The following KATNIP variants were observed in gnomAD, a reference collection of about 807,000 sequenced individuals.
KATNIP encodes the protein katanin interacting protein.
In KATNIP, 126 loss-of-function variants were observed where a neutral mutation model predicts 174.0. The ratio of observed to expected loss-of-function variants is 0.72; its 90% confidence interval spans 0.63 to 0.84. The LOEUF (loss-of-function observed/expected upper bound fraction) is 0.84. KATNIP is among the 40% of genes least tolerant of loss of function. KATNIP has a pLI of 0.00. For synonymous variants in KATNIP, 810 were observed against 835.7 expected (o/e 0.97, Z 0.53); for missense variants, 1,958 against 2,109.7 (o/e 0.93, Z 1.41).
chr16:27,561,893 G>A (rs1475414379), intron 1 of KATNIP, among the ~76,000 whole-genome samples: 4 of 152,168 alleles, frequency 2.6e-5, no homozygotes, highest in African/African-American at 4.8e-5. Flanking sequence ...GAGGCCTGCA[G>A]GGGCCAGGTA....
chr16:27,762,826 C>T (rs990426178), intron 19 of KATNIP, among the ~76,000 whole-genome samples: 2 of 152,212 alleles, frequency 1.3e-5, no homozygotes, highest in Non-Finnish European at 2.9e-5. Context: ...AGCCTGGAGA[C>T]CTGGCTCCCA....
At position 27,631,132 on chromosome 16, in the gene KATNIP, C is replaced by A. The variant is rs1363855934; in HGVS notation, c.378C>A (p.Pro126=). The part of the protein sequence containing the change: ...EALRRSSRTA[P]SKVQRRGWHQ... ...TAAGACGCAGTTCACGGACAGCCCC[C>A]AGTAAAGTCCAGCGCCGAGGATGGC... The change falls in exon 5 of 28, where the codon CCC becomes CCA. Residue 126 remains proline, a synonymous_variant. Transcript: ENST00000261588. 1.3e-6 allele frequency: 2 copies of A among 1,573,402 alleles called. No individual in the cohort carries two copies. Among genetic ancestry groups the A allele is most frequent in the East Asian group, 2.3e-5 (1 of 42,982 alleles).
chr16:27,648,540 C>G, intron 5 of KATNIP, 64 bp from the exon 6 acceptor site: 2 of 1,592,466 alleles, frequency 1.3e-6, no homozygotes, highest in Non-Finnish European at 1.7e-6. Flanking sequence ...GTGCCAGTCC[C>G]TGCCCCGCAG....
chr16:27,705,891 T>C (rs1174940604), intron 12 of KATNIP, among the ~76,000 whole-genome samples: 1 of 152,116 alleles, frequency 6.6e-6, no homozygotes, highest in Non-Finnish European at 1.5e-5. Flanking sequence ...GTGCCCAGGC[T>C]GGTCTTGAAC....
At position 27,703,881 on chromosome 16, in the gene KATNIP, CA is replaced by C; in HGVS notation, c.1287-12del. 1 of 1,607,432 alleles carries C rather than the reference CA, an allele frequency of 6.2e-7. No homozygotes were observed. Among genetic ancestry groups the C allele is most frequent in the Non-Finnish European group, 8.5e-7 (1 of 1,173,944 alleles). ...TTTACTACTTCCTGTTTGCTAAAAC[CA>C]AATCCCATTTCAGACAACAGCAGAA... On this transcript the variant is annotated splice_polypyrimidine_tract_variant and intron_variant, in intron 11 of 27. Transcript: ENST00000261588.
In KATNIP at chr16:27,749,779, C is replaced by A. The variant is rs371104220; in HGVS notation, c.2819C>A (p.Pro940His). ...AGCAGCCGGCACAGCGACTTGCCCC[C>A]CTCCAAGAAGGGGGAGCAGCCAGGG... ...QKSSRHSDLP[P>H]SKKGEQPGLS... The change falls in exon 16 of 28, where the codon CCC becomes CAC. Residue 940 changes from proline (P) to histidine (H), a missense_variant. Physicochemically the swap from Pro to His is moderately conservative, Grantham distance 77 (BLOSUM62 -2). Coordinates refer to ENST00000261588, the MANE Select transcript of KATNIP (RefSeq NM_015202.5). 5.6e-6 allele frequency: 9 copies of A among 1,609,974 alleles called. No individual in the cohort carries two copies. The highest frequency in any genetic ancestry group is 2.2e-5 in the South Asian group (2 of 90,450).
chr16:27,713,214 G>A (rs1477520208), intron 13 of KATNIP, among the ~76,000 whole-genome samples: 2 of 151,966 alleles, frequency 1.3e-5, no homozygotes, highest in Non-Finnish European at 1.5e-5. Flanking sequence ...CATTGCTGTC[G>A]GCTCAGATGT....
chr16:27,777,953 G>C lies in KATNIP; in HGVS notation c.4785G>C (p.Gln1595His), dbSNP rs2082561408. 1.2e-6 allele frequency: 2 copies of C among 1,613,968 alleles called. No homozygotes were observed. The highest frequency in any genetic ancestry group is 1.1e-5 in the South Asian group (1 of 91,074). Residue 1595 changes from glutamine to histidine, a missense_variant, in exon 27 of 28, where the codon CAG becomes CAC. Physicochemically the swap from Gln to His is conservative, Grantham distance 24. This residue lies in a region of KATNIP where 383 missense variants were observed against 456.0 expected (regional missense o/e 0.84). Coordinates refer to ENST00000261588, the MANE Select transcript of KATNIP (RefSeq NM_015202.5). The surrounding 1 kb of genome is among the most constrained non-coding windows in gnomAD (Gnocchi z 4.4). ...TCATTACCAACGCGAAACGGAAGCAGAGCGTTGTTGACCCAGGTCAGTGGC... is the reference window on the plus strand; with the variant it reads ...TCATTACCAACGCGAAACGGAAGCACAGCGTTGTTGACCCAGGTCAGTGGC... ...NQIITNAKRKQSVVDPALRPK... is the reference protein window; with the variant it reads ...NQIITNAKRKHSVVDPALRPK...
At chr16:27,629,111 T>C (rs950089233) in intron 4 of KATNIP, among the ~76,000 whole-genome samples, 6 of 146,582 alleles carry the variant, frequency 4.1e-5, no homozygotes, top group African/African-American at 1.5e-4. Flanking sequence ...GAGGTTGCAG[T>C]GAGCCGAAAT....
At chr16:27,585,643 T>G (rs1199612879) in intron 2 of KATNIP, among the ~76,000 whole-genome samples, 1 of 152,232 alleles carries the variant, frequency 6.6e-6, no homozygotes, top group East Asian at 1.9e-4. Flanking sequence ...CTGGAGGTTA[T>G]TATGTTTAGT....
In KATNIP at chr16:27,778,582, C is replaced by T. The variant is rs1298404298; in HGVS notation, c.4810C>T (p.Pro1604Ser). 6.2e-7 allele frequency: 1 copy of T among 1,613,624 alleles called. No homozygotes were observed. The highest frequency in any genetic ancestry group is 2.2e-5 in the East Asian group (1 of 44,862). The change falls in exon 28 of 28, where the codon CCC (proline) becomes TCC (serine). Residue 1604 changes from proline (P) to serine (S), a missense_variant. Physicochemically the swap from Pro to Ser is moderately conservative, Grantham distance 74 (BLOSUM62 -1). Around this residue, in one of 3 missense-constraint regions of KATNIP, gnomAD observed 383 missense variants for 456.0 expected, o/e 0.84. Transcript: ENST00000261588. ...GTTCCCTGTCATGACAGCCTTACGT[C>T]CCAAAACCTGCATCAGCGAGAAGGA... Reference protein sequence around the residue: ...KQSVVDPALRPKTCISEKETR... With the variant: ...KQSVVDPALRSKTCISEKETR...
At chr16:27,752,516 CCA>C (rs1261695387) in intron 17 of KATNIP, among the ~76,000 whole-genome samples, 1 of 152,214 alleles carries the variant, frequency 6.6e-6, no homozygotes, top group African/African-American at 2.4e-5. Flanking sequence ...ATGCGTGATT[CCA>C]CAGTTTATGC....
intron 2 of KATNIP, among the ~76,000 whole-genome samples, chr16:27,615,978 T>A (rs2142044890): frequency 6.6e-6 from 1 of 152,348 alleles, no homozygotes; most frequent in Admixed American, 6.5e-5. Context: ...AATGCCCTAC[T>A]TGCCATTTAA....
At chr16:27,726,160 C>G (rs559035583) in intron 14 of KATNIP, among the ~76,000 whole-genome samples, 79 of 152,254 alleles carry the variant, frequency 5.2e-4, no homozygotes, top group African/African-American at 1.8e-3. Context: ...ATTGCACATG[C>G]GAAGGATCTA....
At chr16:27,769,485 C>T (rs546435873) in intron 20 of KATNIP, among the ~76,000 whole-genome samples, 1 of 152,312 alleles carries the variant, frequency 6.6e-6, no homozygotes, top group South Asian at 2.1e-4. Context: ...GAAATTGAGG[C>T]ATAGGGAAGG....
chr16:27,631,093 A>T lies in KATNIP; in HGVS notation c.339A>T (p.Glu113Asp), dbSNP rs759387948. The change falls in exon 5 of 28, where the codon GAA becomes GAT. Residue 113 changes from glutamate (E) to aspartate (D), a missense_variant. Glu to Asp is a conservative substitution (Grantham distance 45). Coordinates refer to ENST00000261588, the MANE Select transcript of KATNIP (RefSeq NM_015202.5). ...HDYGRRTLFR[E>D]AEEALRRSSR... The stretch of plus-strand genomic sequence containing the variant: ...ATGGACGAAGAACTCTGTTTCGAGA[A>T]GCTGAAGAAGCCTTAAGACGCAGTT... The T allele has an allele frequency of 1.3e-6, 2 of 1,575,460 alleles. No homozygotes were observed. The highest frequency in any genetic ancestry group is 1.7e-6 in the Non-Finnish European group (2 of 1,159,148).
At position 27,750,296 on chromosome 16, in the gene KATNIP, C is replaced by G; in HGVS notation, c.3336C>G (p.Thr1112=). ...GAGAAATCGCCAAGGCCTCTGGAACCCTGGCGGGAGGTATGGCGTGTCTGT... is the reference window on the plus strand; with the variant it reads ...GAGAAATCGCCAAGGCCTCTGGAACGCTGGCGGGAGGTATGGCGTGTCTGT... ...FEGEIAKASG[T]LAGAPEHFGD... The change falls in exon 16 of 28, where the codon ACC becomes ACG. Residue 1112 remains threonine, a synonymous_variant. Coordinates refer to ENST00000261588, the MANE Select transcript of KATNIP (RefSeq NM_015202.5). The G allele has an allele frequency of 6.2e-7, 1 of 1,609,594 alleles. No individual in the cohort carries two copies. The highest frequency in any genetic ancestry group is 8.5e-7 in the Non-Finnish European group (1 of 1,177,414).
Position 27,677,926 on chromosome 16 carries a change from G to A in KATNIP, c.738G>A (p.Gln246=). The A allele has an allele frequency of 6.2e-7, 1 of 1,614,184 alleles. No individual in the cohort carries two copies. Among genetic ancestry groups the A allele is most frequent in the East Asian group, 2.2e-5 (1 of 44,882 alleles). ...DWTQKDVHGE[Q]ETEGRSSPGP... The stretch of plus-strand genomic sequence containing the variant: ...CTCAGAAAGATGTTCACGGGGAACA[G>A]GAGACAGAAGGACGCTCTTCTCCAG... The change falls in exon 7 of 28, where the codon CAG becomes CAA. Residue 246 remains glutamine (Q), a synonymous_variant. Coordinates refer to ENST00000261588, the MANE Select transcript of KATNIP (RefSeq NM_015202.5).
chr16:27,632,346 A>C, intron 5 of KATNIP: 1 of 202,812 alleles, frequency 4.9e-6, no homozygotes, highest in South Asian at 5.9e-5. Flanking sequence ...CAGAGGGATA[A>C]GACGGATTTA....
Sources: gnomAD v4.1 joint callset for allele counts (sites outside exome capture counted in the v4.1 genomes callset) on GRCh38, gnomAD v4.1.1 for gene constraint, gnomAD v4.1.1 regional missense constraint, Gnocchi (gnomAD v3.1) non-coding constraint, MANE v1.5 for transcripts, NCBI Gene and HGNC (gene_info 2026-07-23, HGNC 2026-07-21) for gene names.